Variants in ZNF398 observed in about 807,000 individuals in gnomAD.
The protein encoded by ZNF398 is zinc finger DNA binding protein ZER6.
In ZNF398, 18 loss-of-function variants were observed where a neutral mutation model predicts 41.9. That is an observed-to-expected ratio of 0.43 (90% CI 0.30 to 0.64). The LOEUF (loss-of-function observed/expected upper bound fraction) is 0.64, where lower values mean the gene tolerates loss of function less well. Among genes scored for constraint, ZNF398 ranks in the 30% least tolerant of loss-of-function variants. The pLI, the probability that ZNF398 is intolerant of heterozygous loss-of-function variation, is 0.14. For missense variants in ZNF398, 669 were observed against 822.8 expected, an observed-to-expected ratio of 0.81 and a Z score of 2.29; for synonymous variants, 260 against 308.8, an observed-to-expected ratio of 0.84 and a Z score of 1.66.
Position 149,181,978 on chromosome 7 carries a change from T to C in ZNF398, c.*2177T>C, listed in dbSNP as rs1020904208. On this transcript the variant is annotated 3_prime_UTR_variant, in exon 6 of 6. Coordinates refer to ENST00000475153, the MANE Select transcript of ZNF398 (RefSeq NM_170686.3). ...GTATTGTCTAGGTGCTGAGTTCCCT[T>C]TTCTGAGTGGATTTCAAGCATTTGC... 1 of 152,148 alleles carries C rather than the reference T, an allele frequency of 6.6e-6. No homozygotes were observed. Among genetic ancestry groups the C allele is most frequent in the African/African-American group, 2.4e-5 (1 of 41,428 alleles). 9.4% of individuals were successfully genotyped at this position (152,148 alleles called of 1,614,324 possible).
In ZNF398 at chr7:149,179,059, C is replaced by T. The variant is rs755582599; in HGVS notation, c.1187C>T (p.Thr396Ile). ...ACCTCCCAGGACCATGCCAGCGAGACACCCCCCACCTGCCCACACTGTGCC... is the reference window on the plus strand; with the variant it reads ...ACCTCCCAGGACCATGCCAGCGAGATACCCCCCACCTGCCCACACTGTGCC... ...SSTSQDHASE[T>I]PPTCPHCART... The change falls in exon 6 of 6, where the codon ACA becomes ATA. Residue 396 changes from threonine to isoleucine, a missense_variant. Physicochemically the swap from Thr to Ile is moderately conservative, Grantham distance 89 (BLOSUM62 -1). Coordinates refer to ENST00000475153, the MANE Select transcript of ZNF398 (RefSeq NM_170686.3). The surrounding 1 kb of genome is among the most constrained non-coding windows in gnomAD (Gnocchi z 6.1). The T allele has an allele frequency of 2.5e-6, 4 of 1,614,016 alleles. No homozygotes were observed. The highest frequency in any genetic ancestry group is 2.5e-6 in the Non-Finnish European group (3 of 1,180,000).
At chr7:149,152,263 C>CT (rs71192760) in intron 1 of ZNF398, among the ~76,000 whole-genome samples, 36,495 of 136,250 alleles carry the variant, frequency 0.27, 5,889 homozygotes, top group African/African-American at 0.4. Context: ...TTAAAGATTT[C>CT]TTTTTTTTTT....
intron 2 of ZNF398, among the ~76,000 whole-genome samples, chr7:149,160,443 T>C (rs1361571200): frequency 6.6e-6 from 1 of 151,960 alleles, no homozygotes; most frequent in Non-Finnish European, 1.5e-5. Context: ...ATTCCCTACA[T>C]GCAGTCTTAA....
intron 2 of ZNF398, chr7:149,129,016 A>G (rs6952706): frequency 0.83 from 125,957 of 151,790 alleles, 52,539 homozygotes; most frequent in East Asian, 1. Flanking sequence ...TGGCCAGGCT[A>G]GTCTTCAACT....
intron 1 of ZNF398, chr7:149,151,163 C>T: frequency 9.5e-7 from 1 of 1,047,676 alleles, no homozygotes; most frequent in Non-Finnish European, 1.2e-6. Flanking sequence ...GCTTAGAAAC[C>T]ATTGGTATGT....
At chr7:149,160,209 C>T (rs1028388611) in intron 2 of ZNF398, among the ~76,000 whole-genome samples, 8 of 152,082 alleles carry the variant, frequency 5.3e-5, no homozygotes, top group Non-Finnish European at 1.0e-4. Flanking sequence ...GAGGCCAAGG[C>T]GGGCGGATCA....
At chr7:149,134,937 G>A (rs1056380838) in intron 2 of ZNF398, among the ~76,000 whole-genome samples, 1 of 152,090 alleles carries the variant, frequency 6.6e-6, no homozygotes, top group Non-Finnish European at 1.5e-5. Flanking sequence ...CATCATGTTG[G>A]CCAGGCTGGT....
chr7:149,127,597 G>C (rs1456311314), intron 1 of ZNF398, among the ~76,000 whole-genome samples: 2 of 147,650 alleles, frequency 1.4e-5, no homozygotes, highest in Non-Finnish European at 3.0e-5. Flanking sequence ...GGCGCCTGTA[G>C]TCCCAGCTCC....
intron 5 of ZNF398, among the ~76,000 whole-genome samples, chr7:149,177,271 G>T (rs1795482955): frequency 6.6e-6 from 1 of 152,226 alleles, no homozygotes; most frequent in East Asian, 1.9e-4. Flanking sequence ...GAGTGGGGTG[G>T]ACGACTTATA....
Position 149,179,925 on chromosome 7 carries a change from G to A in ZNF398, c.*124G>A. 1 of 903,808 alleles carries A rather than the reference G, an allele frequency of 1.1e-6. No homozygotes were observed. Among genetic ancestry groups the A allele is most frequent in the Admixed American group, 3.6e-5 (1 of 27,654 alleles). 56.0% of individuals were successfully genotyped at this position (903,808 alleles called of 1,614,324 possible). On this transcript the variant is annotated 3_prime_UTR_variant, in exon 6 of 6. Coordinates refer to ENST00000475153, the MANE Select transcript of ZNF398 (RefSeq NM_170686.3). This position sits in a 1 kb window ranked among gnomAD's most constrained non-coding sequence, Gnocchi z 6.1. ...TATCTGGCACATCAATGAATTTGGG[G>A]TCCTATACACTTGACTAGAGACATG...
At chr7:149,149,433 C>A (rs989238668) in intron 1 of ZNF398, among the ~76,000 whole-genome samples, 1 of 151,914 alleles carries the variant, frequency 6.6e-6, no homozygotes, top group Non-Finnish European at 1.5e-5. Flanking sequence ...GGGGTTTCAC[C>A]GTGTTTGCCG....
At chr7:149,144,811 A>C (rs548763521), upstream of ZNF398, among the ~76,000 whole-genome samples, 162 of 151,250 alleles carry the variant, frequency 1.1e-3, 1 homozygote, top group Non-Finnish European at 2.2e-3. Context: ...CTGGTCTCCA[A>C]CTCCTGACCT....
At chr7:149,128,107 G>A (rs1185348019) in intron 1 of ZNF398, among the ~76,000 whole-genome samples, 2 of 152,194 alleles carry the variant, frequency 1.3e-5, no homozygotes, top group East Asian at 3.8e-4. Context: ...AGCCAAATAT[G>A]AGTGAGGAAG....
rs1461789899 is a variant in ZNF398, at chr7:149,174,036, C to T, written c.662-2432C>T. Among the ~76,000 whole-genome samples, 40 of 151,888 alleles carry T rather than the reference C, an allele frequency of 2.6e-4. 1 individual carries two copies. On this transcript the variant is annotated intron_variant, in intron 4 of 5. Transcript: ENST00000475153. ...CTCAAACTCCTGACCTCAGGTGATCCGCCCGCCTTGGCCTCCCAAAGTGCT... is the reference window on the plus strand; with the variant it reads ...CTCAAACTCCTGACCTCAGGTGATCTGCCCGCCTTGGCCTCCCAAAGTGCT...
At chr7:149,145,123 A>G (rs2129519815), upstream of ZNF398, among the ~76,000 whole-genome samples, 1 of 152,278 alleles carries the variant, frequency 6.6e-6, no homozygotes, top group East Asian at 1.9e-4. Context: ...AGTTGCCCCA[A>G]CAGGATAGTT....
chr7:149,163,404 C>G lies in ZNF398; in HGVS notation c.421-2754C>G, dbSNP rs191071783. 2.7e-5 allele frequency among the ~76,000 whole-genome samples: 4 copies of G among 149,102 alleles called. No homozygotes were observed. The East Asian group carries it at 8.0e-4, about 30-fold the overall frequency. ...TTTTTTTTTTTGAGATGGAGTTTTG[C>G]CCTTGTCGTGCAGGCTGAAGTACAA... On this transcript the variant is annotated intron_variant, in intron 2 of 5. Transcript: ENST00000475153.
chr7:149,131,482 T>C (rs1826593636), intron 2 of ZNF398, among the ~76,000 whole-genome samples: 1 of 151,990 alleles, frequency 6.6e-6, no homozygotes, highest in Admixed American at 6.6e-5. Context: ...GATCAGGAGA[T>C]TGAGACAATC....
chr7:149,156,517 A>C (rs568283238), intron 2 of ZNF398, among the ~76,000 whole-genome samples: 20 of 151,118 alleles, frequency 1.3e-4, no homozygotes, highest in African/African-American at 4.8e-4. Context: ...AAAAAAAAAA[A>C]AAAAAAAAAA....
intron 2 of ZNF398, among the ~76,000 whole-genome samples, chr7:149,139,033 C>T (rs927204667): frequency 6.6e-6 from 1 of 152,046 alleles, no homozygotes; most frequent in South Asian, 2.1e-4. Context: ...GCCTCAGCCT[C>T]CAGAGTAGCT....
Sources: gnomAD v4.1 joint callset for allele counts (sites outside exome capture counted in the v4.1 genomes callset) on GRCh38, gnomAD v4.1.1 for gene constraint, Gnocchi (gnomAD v3.1) non-coding constraint, MANE v1.5 for transcripts, NCBI Gene and HGNC (gene_info 2026-07-23, HGNC 2026-07-21) for gene names.